DMD: variants seen among roughly 807,000 people sequenced by gnomAD.
DMD encodes dystrophin.
In DMD, 63 loss-of-function variants were observed where a neutral mutation model predicts 330.1. That is an observed-to-expected ratio of 0.19 (90% CI 0.16 to 0.24). The LOEUF (loss-of-function observed/expected upper bound fraction) is 0.24. Ranked by LOEUF, DMD falls within the 10% of genes least tolerant of loss-of-function variation. DMD has a pLI of 1.00. For missense variants in DMD, 3,344 were observed against 2,684.1 expected, an observed-to-expected ratio of 1.25 and a Z score of -5.43; for synonymous variants, 1,223 against 959.8, an observed-to-expected ratio of 1.27 and a Z score of -5.07.
intron 33 of DMD, among the ~76,000 whole-genome samples, chrX:32,381,783 T>G (rs143102430): frequency 0.012 from 1,294 of 111,132 alleles, 10 homozygotes; most frequent in South Asian, 0.075. Context: ...TGGTATGTGT[T>G]TTCACCTTTT....
rs756238158 is a variant in DMD, at chrX:31,968,381, C to T, written c.6572G>A (p.Arg2191Gln). 1.8e-5 allele frequency: 22 copies of T among 1,208,721 alleles called. No individual in the cohort carries two copies. Among genetic ancestry groups the T allele is most frequent in the Non-Finnish European group, 2.5e-5 (22 of 894,504 alleles). ...LQEKLGSLNL[R>Q]WQEVCKQLSD... ...CAGCTGTTTGCAGACCTCCTGCCAC[C>T]GCAGATTCAGGCTTCCCAATTTTTC... Residue 2191 changes from arginine (R) to glutamine (Q), a missense_variant, in exon 45 of 79, where the codon CGG becomes CAG. Physicochemically the swap from Arg to Gln is conservative, Grantham distance 43. Transcript: ENST00000357033.
At chrX:32,740,446 G>GA (rs973910290) in intron 7 of DMD, among the ~76,000 whole-genome samples, 4 of 109,981 alleles carry the variant, frequency 3.6e-5, no homozygotes, top group Non-Finnish European at 7.6e-5. Flanking sequence ...TTAAACCTCA[G>GA]AAAAAAGGAT....
intron 55 of DMD, among the ~76,000 whole-genome samples, chrX:31,597,154 A>G (rs1488363659): frequency 8.9e-6 from 1 of 112,230 alleles, no homozygotes; most frequent in Non-Finnish European, 1.9e-5. Flanking sequence ...GGCTGGGGTT[A>G]TAATAGTTCT....
chrX:31,627,916 T>C (rs2078932485), intron 54 of DMD, 54 bp from the exon 55 acceptor site: 16 of 972,499 alleles, frequency 1.6e-5, no homozygotes, highest in Non-Finnish European at 2.3e-5. Flanking sequence ...ATGGTGCACC[T>C]AGTGAACTCC....
chrX:32,564,998 A>G (rs2051518418), intron 16 of DMD, among the ~76,000 whole-genome samples: 1 of 111,746 alleles, frequency 8.9e-6, no homozygotes, highest in African/African-American at 3.3e-5. Flanking sequence ...ATCTTGAATG[A>G]CTACTCATTA....
At chrX:32,925,145 GTTTTTTTTTTTTTT>G (rs777224221) in intron 2 of DMD, among the ~76,000 whole-genome samples, 10 of 48,531 alleles carry the variant, frequency 2.1e-4, no homozygotes, top group East Asian at 1.0e-3. Context: ...AAAACTCTGG[GTTTTTTTTTTTTTT>G]TTTTTTTTTT....
At chrX:33,211,202 CA>C in intron 1 of DMD, 79 bp downstream of exon 1, 1 of 1,113,171 alleles carries the variant, frequency 9.0e-7, no homozygotes, top group Non-Finnish European at 1.2e-6. Flanking sequence ...AATTTAAAAT[CA>C]ATCTACCTAA....
chrX:31,482,256 T>G (rs2068363347), intron 57 of DMD, among the ~76,000 whole-genome samples: 5 of 93,099 alleles, frequency 5.4e-5, no homozygotes, highest in African/African-American at 1.3e-4. Context: ...GTTCTGTGCA[T>G]GGGGGACAGA....
At chrX:32,534,278 C>G (rs754361774) in intron 17 of DMD, among the ~76,000 whole-genome samples, 2 of 111,745 alleles carry the variant, frequency 1.8e-5, no homozygotes, top group South Asian at 7.6e-4. Flanking sequence ...CTTCCCAAAT[C>G]TTATGCTGAA....
At chrX:31,785,255 A>C (rs1347496775) in intron 50 of DMD, among the ~76,000 whole-genome samples, 1 of 111,927 alleles carries the variant, frequency 8.9e-6, no homozygotes, top group East Asian at 2.8e-4. Context: ...TAGAGACAGA[A>C]AGTAGAGTGG....
intron 48 of DMD, among the ~76,000 whole-genome samples, chrX:31,857,932 C>T (rs2093641956): frequency 9.1e-6 from 1 of 109,727 alleles, no homozygotes; most frequent in South Asian, 4.0e-4. Context: ...AGTCTAATCC[C>T]ACTGACACTA....
intron 2 of DMD, among the ~76,000 whole-genome samples, chrX:32,923,010 AT>A (rs2088592969): frequency 9.0e-6 from 1 of 111,615 alleles, no homozygotes; most frequent in African/African-American, 3.3e-5. Flanking sequence ...GAATTGATAT[AT>A]TTTTCCTATA....
At chrX:31,171,105 C>T (rs1415173822) in intron 73 of DMD, among the ~76,000 whole-genome samples, 1 of 112,223 alleles carries the variant, frequency 8.9e-6, no homozygotes, top group Non-Finnish European at 1.9e-5. Flanking sequence ...ACACATTTTA[C>T]TGTTGAAGTA....
chrX:32,027,551 G>T (rs1319836167), intron 44 of DMD, among the ~76,000 whole-genome samples: 1 of 111,416 alleles, frequency 9.0e-6, no homozygotes, highest in Non-Finnish European at 1.9e-5. Flanking sequence ...CCCACCATAG[G>T]AACCCTGAAC....
chrX:31,200,477 G>T (rs773403818), intron 67 of DMD, among the ~76,000 whole-genome samples: 33 of 112,061 alleles, frequency 2.9e-4, no homozygotes, highest in Non-Finnish European at 4.7e-4. Context: ...TCCCCTCAAA[G>T]ACTTGGTGAG....
At chrX:32,240,040 G>A (rs1031199987) in intron 43 of DMD, among the ~76,000 whole-genome samples, 2 of 111,027 alleles carry the variant, frequency 1.8e-5, no homozygotes, top group East Asian at 5.7e-4. Context: ...GTTGGTTTCT[G>A]TCTTCCATCT....
chrX:31,406,891 A>G (rs1214888974), intron 60 of DMD, among the ~76,000 whole-genome samples: 1 of 111,757 alleles, frequency 8.9e-6, no homozygotes, highest in Non-Finnish European at 1.9e-5. Context: ...AGCTGCATTT[A>G]CAAAGGCACA....
intron 1 of DMD, among the ~76,000 whole-genome samples, chrX:33,280,224 C>T (rs1045128942): frequency 3.6e-5 from 4 of 111,336 alleles, no homozygotes; most frequent in African/African-American, 1.3e-4. Flanking sequence ...CGTAAGCGAC[C>T]AGCTTGCCTC....
At chrX:32,628,615 A>G (rs1361020025) in intron 11 of DMD, among the ~76,000 whole-genome samples, 1 of 110,006 alleles carries the variant, frequency 9.1e-6, no homozygotes, top group Admixed American at 9.8e-5. Context: ...TCATTCAATT[A>G]TTTGAAAGTT....
Sources: gnomAD v4.1 joint callset for allele counts (sites outside exome capture counted in the v4.1 genomes callset) on GRCh38, gnomAD v4.1.1 for gene constraint, MANE v1.5 for transcripts, NCBI Gene and HGNC (gene_info 2026-07-23, HGNC 2026-07-21) for gene names.